Variants in ASIC2 observed in about 807,000 individuals in gnomAD.
ASIC2 encodes the protein acid sensing ion channel subunit 2, also known as acid-sensing ion channel 2.
In ASIC2, 25 loss-of-function variants were observed where a neutral mutation model predicts 57.3. That is an observed-to-expected ratio of 0.44 (90% CI 0.32 to 0.61). ASIC2 has a LOEUF of 0.61. ASIC2 is among the 20% of genes least tolerant of loss of function. The probability of loss-of-function intolerance (pLI) is 0.06; values close to 1 mark genes in which losing one functional copy is unlikely to be tolerated. For missense variants in ASIC2, 641 were observed against 738.1 expected, an observed-to-expected ratio of 0.87 and a Z score of 1.52; for synonymous variants, 319 against 307.5, an observed-to-expected ratio of 1.04 and a Z score of -0.39.
At chr17:34,150,545 A>G (rs1357879339) in intron 1 of ASIC2, among the ~76,000 whole-genome samples, 10 of 152,220 alleles carry the variant, frequency 6.6e-5, no homozygotes, top group Non-Finnish European at 1.5e-4. Context: ...TTTAAAATTA[A>G]AAATTATCAG....
intron 1 of ASIC2, among the ~76,000 whole-genome samples, chr17:34,062,469 A>G (rs1330290577): frequency 6.6e-6 from 1 of 152,314 alleles, no homozygotes; most frequent in East Asian, 1.9e-4. Flanking sequence ...GAACTAGAGA[A>G]AGAAGAACAA....
At chr17:33,152,352 G>A (rs1219861156) in intron 1 of ASIC2, among the ~76,000 whole-genome samples, 1 of 152,202 alleles carries the variant, frequency 6.6e-6, no homozygotes, top group African/African-American at 2.4e-5. Context: ...CTGCAAGGTC[G>A]TGAATGCCAA....
intron 1 of ASIC2, chr17:34,038,331 T>C: frequency 1.9e-6 from 3 of 1,610,632 alleles, no homozygotes; most frequent in Non-Finnish European, 2.5e-6. Context: ...AACGAGTCAG[T>C]ATCCAGTGAA....
chr17:33,775,099 G>T (rs1168931734), intron 1 of ASIC2, among the ~76,000 whole-genome samples: 1 of 152,180 alleles, frequency 6.6e-6, no homozygotes, highest in Non-Finnish European at 1.5e-5. Flanking sequence ...GATCCCATCC[G>T]GGCTTGGGAG....
At chr17:33,796,980 C>T (rs1567718139) in intron 1 of ASIC2, among the ~76,000 whole-genome samples, 1 of 152,066 alleles carries the variant, frequency 6.6e-6, no homozygotes. Context: ...AAGAACCATG[C>T]AGTAGGTGAG....
At chr17:33,078,583 A>C (rs1183957382) in intron 3 of ASIC2, among the ~76,000 whole-genome samples, 1 of 152,240 alleles carries the variant, frequency 6.6e-6, no homozygotes, top group Admixed American at 6.5e-5. Flanking sequence ...GCATGCTACC[A>C]GACAAATAAT....
In ASIC2 at chr17:33,940,981, C is replaced by G. The variant is rs540761037; in HGVS notation, c.555+214997G>C. Among the ~76,000 whole-genome samples the G allele has an allele frequency of 3.3e-5, 5 of 152,346 alleles. No individual in the cohort carries two copies. In the East Asian group the frequency reaches 5.8e-4, roughly 18 times the overall value. On this transcript the variant is annotated intron_variant, in intron 1 of 9. Coordinates refer to the ASIC2 transcript ENST00000359872. Reference sequence around the variant, plus strand: ...AGGGCCAGGCTGAGGTGTTTAGATTCCATTCTAAGTGCGGTGAAGAACTAT... The same window carrying G: ...AGGGCCAGGCTGAGGTGTTTAGATTGCATTCTAAGTGCGGTGAAGAACTAT...
intron 1 of ASIC2, among the ~76,000 whole-genome samples, chr17:33,344,814 G>A (rs1032628339): frequency 6.6e-6 from 1 of 152,030 alleles, no homozygotes; most frequent in African/African-American, 2.4e-5. Flanking sequence ...CAGAGACCAT[G>A]TCTTAGCTCT....
chr17:33,407,492 C>G (rs1377236812), intron 1 of ASIC2, among the ~76,000 whole-genome samples: 1 of 152,180 alleles, frequency 6.6e-6, no homozygotes, highest in Non-Finnish European at 1.5e-5. Flanking sequence ...TCCCCAGAAC[C>G]ATCCTCCTGA....
chr17:33,431,027 A>AG (rs1445510245), intron 1 of ASIC2, among the ~76,000 whole-genome samples: 3 of 152,144 alleles, frequency 2.0e-5, no homozygotes, highest in South Asian at 2.1e-4. Flanking sequence ...GAGGATGCAG[A>AG]GGGGGGCAGC....
At chr17:33,107,794 G>T (rs912860977) in intron 2 of ASIC2, among the ~76,000 whole-genome samples, 2 of 152,192 alleles carry the variant, frequency 1.3e-5, no homozygotes, top group Non-Finnish European at 2.9e-5. Context: ...GGTCCTTCCT[G>T]TTAGTTAGAA....
intron 1 of ASIC2, among the ~76,000 whole-genome samples, chr17:33,224,778 G>A (rs1907819270): frequency 6.6e-6 from 1 of 152,194 alleles, no homozygotes; most frequent in South Asian, 2.1e-4. Flanking sequence ...GAGGCCTGCA[G>A]TTGCTCAGTT....
At chr17:33,317,406 T>C (rs900699808) in intron 1 of ASIC2, among the ~76,000 whole-genome samples, 15 of 152,198 alleles carry the variant, frequency 9.9e-5, no homozygotes, top group Non-Finnish European at 2.1e-4. Context: ...CTTCATTGCT[T>C]ATACTTGCAT....
chr17:34,141,879 G>C (rs944333759), intron 1 of ASIC2, among the ~76,000 whole-genome samples: 1 of 152,160 alleles, frequency 6.6e-6, no homozygotes, highest in African/African-American at 2.4e-5. Flanking sequence ...TGCTCTGGGG[G>C]GAACAATGGC....
At chr17:33,106,314 A>T (rs921139694) in intron 2 of ASIC2, among the ~76,000 whole-genome samples, 1 of 152,210 alleles carries the variant, frequency 6.6e-6, no homozygotes, top group African/African-American at 2.4e-5. Context: ...GCTCAAAAGC[A>T]TACTTGACAT....
At chr17:33,928,891 G>A (rs1915875853) in intron 1 of ASIC2, among the ~76,000 whole-genome samples, 1 of 152,164 alleles carries the variant, frequency 6.6e-6, no homozygotes, top group African/African-American at 2.4e-5. Context: ...AGGTAACCGA[G>A]GCTGCAAACA....
intron 1 of ASIC2, among the ~76,000 whole-genome samples, chr17:33,494,938 G>A (rs1221026666): frequency 6.6e-6 from 1 of 152,142 alleles, no homozygotes; most frequent in Non-Finnish European, 1.5e-5. Flanking sequence ...GTGCTCCAGG[G>A]TCTCTCTCTA....
chr17:33,601,077 G>A (rs985683784), intron 1 of ASIC2, among the ~76,000 whole-genome samples: 3 of 152,076 alleles, frequency 2.0e-5, no homozygotes, highest in African/African-American at 7.2e-5. Context: ...TGAGAGAAGA[G>A]AGAAATATTT....
At chr17:33,128,663 C>T (rs1344967226) in intron 1 of ASIC2, among the ~76,000 whole-genome samples, 1 of 152,196 alleles carries the variant, frequency 6.6e-6, no homozygotes, top group Non-Finnish European at 1.5e-5. Flanking sequence ...TTTGTATCCC[C>T]ATTGGATTTG....
Sources: gnomAD v4.1 joint callset for allele counts (sites outside exome capture counted in the v4.1 genomes callset) on GRCh38, gnomAD v4.1.1 for gene constraint, MANE v1.5 for transcripts, NCBI Gene and HGNC (gene_info 2026-07-23, HGNC 2026-07-21) for gene names.